The following CHIC2 variants were observed in gnomAD, a reference collection of about 807,000 sequenced individuals.
The protein encoded by CHIC2 is cysteine rich hydrophobic domain 2, also known as cysteine-rich hydrophobic domain-containing protein 2.
In CHIC2, 14 loss-of-function variants were observed where a neutral mutation model predicts 25.9. The ratio of observed to expected loss-of-function variants is 0.54; its 90% confidence interval spans 0.36 to 0.85. CHIC2 has a LOEUF of 0.85. Among genes scored for constraint, CHIC2 ranks in the 40% least tolerant of loss-of-function variants. The pLI is 0.01. For missense variants in CHIC2, 146 were observed against 202.0 expected, an observed-to-expected ratio of 0.72 and a Z score of 1.68; for synonymous variants, 70 against 72.0, an observed-to-expected ratio of 0.97 and a Z score of 0.14.
At chr4:54,071,187 T>A in the CHIC2 span, among the ~76,000 whole-genome samples, 5 of 152,216 alleles carry the variant, frequency 3.3e-5, no homozygotes, top group South Asian at 4.1e-4. Flanking sequence ...AAAAGCTAAA[T>A]GTGTATATAG....
At chr4:54,058,555 CACAT>C (rs752028501) in intron 1 of CHIC2, among the ~76,000 whole-genome samples, 6 of 119,246 alleles carry the variant, frequency 5.0e-5, no homozygotes, top group East Asian at 2.5e-4. Flanking sequence ...CACATACACA[CACAT>C]ACACACACAC....
chr4:54,034,203 G>A (rs910237724), intron 3 of CHIC2, among the ~76,000 whole-genome samples: 1 of 151,922 alleles, frequency 6.6e-6, no homozygotes, highest in African/African-American at 2.4e-5. Flanking sequence ...TCGGGGGTTC[G>A]AGACCAGCCT....
Position 54,064,566 on chromosome 4 carries a change from C to G in CHIC2, c.-266G>C, listed in dbSNP as rs1043266183. On this transcript the variant is annotated 5_prime_UTR_variant, in exon 1 of 6. Transcript: ENST00000263921. The surrounding 1 kb of genome is among the most constrained non-coding windows in gnomAD (Gnocchi z 4.2). ...AGGCCGACACCTCCACAAGCACAGA[C>G]GCCGCTGCCGCCGCCGCAGCAGCAG... 3.9e-6 allele frequency: 5 copies of G among 1,272,764 alleles called. No homozygotes were observed. In the East Asian group the frequency reaches 1.9e-4, roughly 48 times the overall value. The allele number at this position is 1,272,764 out of a possible 1,614,324, so 78.8% of individuals were successfully genotyped here.
In CHIC2 at chr4:54,053,043, CA is replaced by C. The variant is rs750086127; in HGVS notation, c.120-3739del. On this transcript the variant is annotated intron_variant, in intron 1 of 5. Coordinates refer to ENST00000263921, the MANE Select transcript of CHIC2 (RefSeq NM_012110.4). The stretch of plus-strand genomic sequence containing the variant: ...AAATGAAATTTGCAAACTAAAAACA[CA>C]GAAATACCATTGAACATAAACTTAT... 9.3e-4 allele frequency among the ~76,000 whole-genome samples: 141 copies of C among 152,094 alleles called. 1 individual carries two copies. Among genetic ancestry groups the C allele is most frequent in the Non-Finnish European group, 1.6e-3 (107 of 68,004 alleles).
At chr4:54,077,186 G>C in the CHIC2 span, among the ~76,000 whole-genome samples, 17 of 152,302 alleles carry the variant, frequency 1.1e-4, no homozygotes, top group South Asian at 2.3e-3. Context: ...AAGAGTAGAA[G>C]ATATGCGTTT....
Position 54,013,910 on chromosome 4 carries a change from A to G in CHIC2, c.388-14T>C. 2 of 1,612,946 alleles carry G rather than the reference A, an allele frequency of 1.2e-6. No homozygotes were observed. The highest frequency in any genetic ancestry group is 1.7e-6 in the Non-Finnish European group (2 of 1,179,248). On this transcript the variant is annotated splice_polypyrimidine_tract_variant and intron_variant, in intron 4 of 5. Coordinates refer to ENST00000263921, the MANE Select transcript of CHIC2 (RefSeq NM_012110.4). ...ATGCAAGCACAGCTAGACAAGTAGGAAAGTAAAAGAAGAAAAATGAGCTCT... is the reference window on the plus strand; with the variant it reads ...ATGCAAGCACAGCTAGACAAGTAGGGAAGTAAAAGAAGAAAAATGAGCTCT...
intron 3 of CHIC2, among the ~76,000 whole-genome samples, chr4:54,022,116 C>A (rs1247281292): frequency 6.6e-6 from 1 of 152,122 alleles, no homozygotes; most frequent in Non-Finnish European, 1.5e-5. Context: ...AAGGAATGCC[C>A]TGCAGCCCGG....
the CHIC2 span, among the ~76,000 whole-genome samples, chr4:54,080,625 G>A: frequency 5.4e-3 from 820 of 151,800 alleles, 15 homozygotes; most frequent in African/African-American, 0.019. Context: ...AATTAGCTGG[G>A]CGTGGTGGCA....
intron 3 of CHIC2, among the ~76,000 whole-genome samples, chr4:54,030,543 T>C (rs941818400): frequency 1.3e-4 from 16 of 127,526 alleles, no homozygotes; most frequent in African/African-American, 5.3e-4. Context: ...AAAAAATATA[T>C]ATATATATGT....
the CHIC2 span, among the ~76,000 whole-genome samples, chr4:54,084,154 T>C: frequency 6.6e-6 from 1 of 152,206 alleles, no homozygotes; most frequent in Non-Finnish European, 1.5e-5. Flanking sequence ...TTGATGGCTA[T>C]GGTTAGGTGA....
intron 5 of CHIC2, among the ~76,000 whole-genome samples, chr4:54,010,435 T>C (rs1428797810): frequency 6.6e-6 from 1 of 152,074 alleles, no homozygotes; most frequent in Non-Finnish European, 1.5e-5. Context: ...ATAGTGCCCC[T>C]GATACACTGG....
At chr4:54,066,178 T>C (rs939739376), upstream of CHIC2, among the ~76,000 whole-genome samples, 3 of 152,230 alleles carry the variant, frequency 2.0e-5, no homozygotes, top group Non-Finnish European at 2.9e-5. Flanking sequence ...CCTGACTACC[T>C]GGCCTTGAAT....
chr4:54,018,558 G>A (rs1715809423), intron 3 of CHIC2, among the ~76,000 whole-genome samples: 1 of 151,826 alleles, frequency 6.6e-6, no homozygotes, highest in African/African-American at 2.4e-5. Context: ...TTGAAAACAT[G>A]GTTTTACAAA....
At chr4:54,038,424 A>G (rs1201715838) in intron 3 of CHIC2, among the ~76,000 whole-genome samples, 2 of 152,246 alleles carry the variant, frequency 1.3e-5, no homozygotes, top group Non-Finnish European at 2.9e-5. Flanking sequence ...AAACATGAGC[A>G]TAATCTATAT....
At chr4:54,054,093 A>G (rs540609873) in intron 1 of CHIC2, among the ~76,000 whole-genome samples, 2 of 152,320 alleles carry the variant, frequency 1.3e-5, no homozygotes, top group South Asian at 4.1e-4. Flanking sequence ...CGGCAGACAA[A>G]TATTTTATAA....
At chr4:54,060,030 A>G (rs2110094033) in intron 1 of CHIC2, 1 of 152,334 alleles carries the variant, frequency 6.6e-6, no homozygotes, top group East Asian at 1.9e-4. Flanking sequence ...TGTTTTATTG[A>G]CATGATTCTG....
intron 3 of CHIC2, among the ~76,000 whole-genome samples, chr4:54,042,553 T>C (rs929795983): frequency 6.6e-6 from 1 of 152,116 alleles, no homozygotes; most frequent in Non-Finnish European, 1.5e-5. Flanking sequence ...ATCTCAAAGG[T>C]ATCTACAGTA....
rs1459516624 is a variant in CHIC2, at chr4:54,064,161, T to G, written c.119+21A>C. ...CCACCCCAGCCCGCACCTCCCGCCC[T>G]CGCCCTCCTCCGGGCCTTACACGGT... is the stretch of plus-strand genomic sequence containing the variant. On this transcript the variant is annotated intron_variant, in intron 1 of 5. Transcript: ENST00000263921. The surrounding 1 kb of genome is among the most constrained non-coding windows in gnomAD (Gnocchi z 4.2). The G allele has an allele frequency of 6.3e-7, 1 of 1,587,116 alleles. No homozygotes were observed. The highest frequency in any genetic ancestry group is 1.3e-5 in the African/African-American group (1 of 74,482).
chr4:54,077,611 G>A, the CHIC2 span, among the ~76,000 whole-genome samples: 3 of 152,180 alleles, frequency 2.0e-5, no homozygotes, highest in African/African-American at 7.2e-5. Context: ...TGCTGAGGAT[G>A]AGCATAGTCA....
Sources: allele counts gnomAD v4.1 joint callset (sites outside exome capture counted in the v4.1 genomes callset), GRCh38; gene constraint gnomAD v4.1.1; non-coding constraint Gnocchi (gnomAD v3.1); transcripts MANE v1.5; gene names NCBI Gene and HGNC (gene_info 2026-07-23, HGNC 2026-07-21).